Variants in HSPA12A observed in about 807,000 individuals in gnomAD.
The protein encoded by HSPA12A is heat shock 70 kDa protein 12A.
A neutral mutation model predicts 69.2 loss-of-function variants in HSPA12A; 28 were observed. The observed-to-expected ratio is 0.40, with a 90% confidence interval of 0.30 to 0.55. The LOEUF is 0.55. Among genes scored for constraint, HSPA12A ranks in the 20% least tolerant of loss-of-function variants. HSPA12A has a pLI of 0.38. For synonymous variants in HSPA12A, 345 were observed against 370.5 expected, an observed-to-expected ratio of 0.93 and a Z score of 0.79; for missense variants, 686 against 900.7, an observed-to-expected ratio of 0.76 and a Z score of 3.05.
Position 116,710,761 on chromosome 10 carries a change from C to T in HSPA12A, c.41-3476G>A, listed in dbSNP as rs1280179527. ...ATGGTGCACACCCACATCTATATATCTGTATATTCCAAATCAAAGATAATT... is the reference window on the plus strand; with the variant it reads ...ATGGTGCACACCCACATCTATATATTTGTATATTCCAAATCAAAGATAATT... On this transcript the variant is annotated intron_variant, in intron 1 of 11. Coordinates refer to ENST00000369209, the MANE Select transcript of HSPA12A (RefSeq NM_025015.3). The surrounding 1 kb of genome is among the most constrained non-coding windows in gnomAD (Gnocchi z 4.1). Among the ~76,000 whole-genome samples the T allele has an allele frequency of 6.6e-6, 1 of 152,192 alleles. No homozygotes were observed. The highest frequency in any genetic ancestry group is 1.5e-5 in the Non-Finnish European group (1 of 68,042).
At chr10:116,823,604 T>C (rs1029003148) in intron 2 of HSPA12A, among the ~76,000 whole-genome samples, 1 of 152,194 alleles carries the variant, frequency 6.6e-6, no homozygotes, top group African/African-American at 2.4e-5. Context: ...CTCACATGTA[T>C]AGTCAATTGC....
Position 116,825,186 on chromosome 10 carries a change from CA to C in HSPA12A, c.91+9748del, listed in dbSNP as rs34479568. ...TGGGTGGCAGGGTGAGACCTTGTCTCAAAAAAAAAAAAAATAAGTAAATTTA... is the reference window on the plus strand; with the variant it reads ...TGGGTGGCAGGGTGAGACCTTGTCTCAAAAAAAAAAAAATAAGTAAATTTA... On this transcript the variant is annotated intron_variant, in intron 2 of 12. Coordinates refer to the HSPA12A transcript ENST00000635765. Among the ~76,000 whole-genome samples the C allele has an allele frequency of 2.9e-3, 360 of 124,868 alleles. 2 individuals are homozygous for C. In the South Asian group the frequency reaches 0.03, roughly 10 times the overall value. 81.9% of individuals were successfully genotyped at this position (124,868 alleles called of 152,430 possible).
intron 2 of HSPA12A, among the ~76,000 whole-genome samples, chr10:116,786,019 C>A (rs1160558344): frequency 6.6e-6 from 1 of 152,220 alleles, no homozygotes; most frequent in Non-Finnish European, 1.5e-5. Flanking sequence ...GAGGCCTTTG[C>A]TGATCTAACG....
At chr10:116,771,694 CCTGCAGTTTCTCT>C (rs1390887115) in intron 2 of HSPA12A, among the ~76,000 whole-genome samples, 1 of 152,178 alleles carries the variant, frequency 6.6e-6, no homozygotes, top group African/African-American at 2.4e-5. Flanking sequence ...AGAGGCAGTC[CCTGCAGTTTCTCT>C]CTGCAGTGGA....
At position 116,671,995 on chromosome 10, in the gene HSPA12A, T is replaced by A. The variant is rs1254047778; in HGVS notation, c.*2786A>T. The A allele has an allele frequency of 6.6e-6, 1 of 152,236 alleles. No homozygotes were observed. The highest frequency in any genetic ancestry group is 1.5e-5 in the Non-Finnish European group (1 of 68,050). The allele number at this position is 152,236 out of a possible 1,614,324, so 9.4% of individuals were successfully genotyped here. ...GCTCTGTGGCCAGAAGATAAAATTATCATCCTCTCCATCACCTATCTGCCA... is the reference window on the plus strand; with the variant it reads ...GCTCTGTGGCCAGAAGATAAAATTAACATCCTCTCCATCACCTATCTGCCA... On this transcript the variant is annotated 3_prime_UTR_variant, in exon 12 of 12. Coordinates refer to ENST00000369209, the MANE Select transcript of HSPA12A (RefSeq NM_025015.3).
chr10:116,718,620 G>C (rs1850680396), intron 1 of HSPA12A, among the ~76,000 whole-genome samples: 1 of 152,142 alleles, frequency 6.6e-6, no homozygotes, highest in African/African-American at 2.4e-5. Flanking sequence ...CTCCCAAGCA[G>C]GGCTGCACTT....
chr10:116,803,618 G>GC (rs1845007057), intron 2 of HSPA12A, among the ~76,000 whole-genome samples: 1 of 152,200 alleles, frequency 6.6e-6, no homozygotes. Context: ...ACCAGAGAAG[G>GC]CCCTTCTTGG....
At chr10:116,766,342 G>A (rs1844076394) in intron 2 of HSPA12A, among the ~76,000 whole-genome samples, 2 of 152,138 alleles carry the variant, frequency 1.3e-5, no homozygotes, top group Non-Finnish European at 2.9e-5. Context: ...TGGGCCAACA[G>A]GGACAGGTGG....
At chr10:116,696,002 C>CAGAAAAAAA (rs1849887279) in intron 5 of HSPA12A, among the ~76,000 whole-genome samples, 1 of 32,714 alleles carries the variant, frequency 3.1e-5, no homozygotes, top group Non-Finnish European at 5.0e-5. Context: ...GACTCCATCT[C>CAGAAAAAAA]AAAAAAAAAA....
intron 2 of HSPA12A, among the ~76,000 whole-genome samples, chr10:116,753,804 T>G (rs557292589): frequency 1.1e-4 from 17 of 151,938 alleles, no homozygotes; most frequent in Non-Finnish European, 2.4e-4. Flanking sequence ...GCGTGTGGAG[T>G]GCTTGGTCTG....
intron 1 of HSPA12A, among the ~76,000 whole-genome samples, chr10:116,729,067 C>A (rs1851070547): frequency 6.6e-6 from 1 of 152,236 alleles, no homozygotes; most frequent in Non-Finnish European, 1.5e-5. Flanking sequence ...GGGTACCTCA[C>A]ACAAATGTGA....
chr10:116,793,286 A>G (rs1844739274), intron 2 of HSPA12A, among the ~76,000 whole-genome samples: 1 of 152,192 alleles, frequency 6.6e-6, no homozygotes, highest in Non-Finnish European at 1.5e-5. Context: ...GAAAAACAAA[A>G]CAGACTGGGC....
At position 116,827,069 on chromosome 10, in the gene HSPA12A, C is replaced by T. The variant is rs541977008; in HGVS notation, c.91+7866G>A. Reference sequence around the variant, plus strand: ...CCGCAGATGTTGGCTGAATGAATCACTGAATTAATGAATGTGTGCTCAGCC... The same window carrying T: ...CCGCAGATGTTGGCTGAATGAATCATTGAATTAATGAATGTGTGCTCAGCC... On this transcript the variant is annotated intron_variant, in intron 2 of 12. Transcript: ENST00000635765. Among the ~76,000 whole-genome samples, 17 of 152,306 alleles carry T rather than the reference C, an allele frequency of 1.1e-4. No individual in the cohort carries two copies. In the East Asian group the frequency reaches 3.1e-3, roughly 28 times the overall value.
At chr10:116,678,586 GAAAAAAAAA>G (rs11435803) in intron 10 of HSPA12A, among the ~76,000 whole-genome samples, 2 of 128,664 alleles carry the variant, frequency 1.6e-5, no homozygotes, top group South Asian at 5.3e-4. Context: ...GGTACAAAGT[GAAAAAAAAA>G]AAAAAAAAGA....
Position 116,681,187 on chromosome 10 carries a change from G to A in HSPA12A, c.992C>T (p.Pro331Leu), listed in dbSNP as rs782430687. The change falls in exon 9 of 12, where the codon CCG (proline) becomes CTG (leucine). Residue 331 changes from proline (P) to leucine (L), a missense_variant. Pro to Leu is a moderately conservative substitution (Grantham distance 98). Coordinates refer to ENST00000369209, the MANE Select transcript of HSPA12A (RefSeq NM_025015.3). Reference protein sequence around the residue: ...VDLTVHQIRLPEGHLKELYKA... With the variant: ...VDLTVHQIRLLEGHLKELYKA... ...ATACAGTTCCTTAAGGTGTCCCTCC[G>A]GTAACCGGATCTGATGGACTGTCAG... 1.9e-6 allele frequency: 3 copies of A among 1,613,968 alleles called. No individual in the cohort carries two copies. The highest frequency in any genetic ancestry group is 1.3e-5 in the African/African-American group (1 of 74,912).
intron 2 of HSPA12A, among the ~76,000 whole-genome samples, chr10:116,791,391 T>C (rs908287634): frequency 8.5e-5 from 13 of 152,176 alleles, no homozygotes; most frequent in Non-Finnish European, 1.5e-5. Flanking sequence ...GAAAAATACC[T>C]TTCCTCCAAA....
At chr10:116,705,029 G>C in intron 3 of HSPA12A, 122 bp downstream of exon 3, 2 of 1,229,938 alleles carry the variant, frequency 1.6e-6, no homozygotes, top group Non-Finnish European at 2.3e-6. Context: ...GTGAGCTTGA[G>C]CCAAGCTGGA....
At chr10:116,798,360 G>A (rs1473630788) in intron 2 of HSPA12A, among the ~76,000 whole-genome samples, 1 of 152,164 alleles carries the variant, frequency 6.6e-6, no homozygotes, top group Non-Finnish European at 1.5e-5. Context: ...GGAGAACCCT[G>A]GGCAAACAGG....
At chr10:116,743,834 G>T (rs1851586041), upstream of HSPA12A, among the ~76,000 whole-genome samples, 1 of 152,166 alleles carries the variant, frequency 6.6e-6, no homozygotes, top group South Asian at 2.1e-4. Context: ...AATCCCAAAT[G>T]GACAGTTCCT....
Sources: allele counts gnomAD v4.1 joint callset (sites outside exome capture counted in the v4.1 genomes callset), GRCh38; gene constraint gnomAD v4.1.1; non-coding constraint Gnocchi (gnomAD v3.1); transcripts MANE v1.5; gene names NCBI Gene and HGNC (gene_info 2026-07-23, HGNC 2026-07-21).